TNIP1: variants seen among roughly 807,000 people sequenced by gnomAD.
TNIP1 encodes the protein TNFAIP3 interacting protein 1.
TNIP1 carries 22 observed loss-of-function variants against 86.6 expected under a neutral mutation model. That is an observed-to-expected ratio of 0.25 (90% CI 0.18 to 0.36). The LOEUF (loss-of-function observed/expected upper bound fraction) is 0.36, where lower values mean the gene tolerates loss of function less well. TNIP1 is among the 10% of genes least tolerant of loss of function. The pLI, the probability that TNIP1 is intolerant of heterozygous loss-of-function variation, is 1.00. For synonymous variants in TNIP1, 294 were observed against 313.0 expected (o/e 0.94, Z 0.64); for missense variants, 709 against 820.6 (o/e 0.86, Z 1.66).
chr5:151,039,244 T>G lies in TNIP1; in HGVS notation c.1135-19A>C. On this transcript the variant is annotated intron_variant, in intron 11 of 17. Coordinates refer to ENST00000521591, the MANE Select transcript of TNIP1 (RefSeq NM_006058.5). ...TGTCGGTCTGCAGGGAATACAAGGT[T>G]GGTAAGCTGGCTAGGATGGCCTCTC... 1 of 1,607,312 alleles carries G rather than the reference T, an allele frequency of 6.2e-7. No individual in the cohort carries two copies. The highest frequency in any genetic ancestry group is 8.5e-7 in the Non-Finnish European group (1 of 1,178,458).
rs139658623 is a variant in TNIP1 at position 151,031,433 on chromosome 5, A to G, written c.1877-686T>C. On this transcript the variant is annotated intron_variant, in intron 17 of 17. Transcript: ENST00000521591. ...GCGAGGTGGTGCCTTGTGCCCCATGAGAGCTCTACAGGGAGCAATGGCAGT... is the reference window on the plus strand; with the variant it reads ...GCGAGGTGGTGCCTTGTGCCCCATGGGAGCTCTACAGGGAGCAATGGCAGT... Among the ~76,000 whole-genome samples, 228 of 152,322 alleles carry G rather than the reference A, an allele frequency of 1.5e-3. 2 individuals are homozygous for G. In the East Asian group the frequency reaches 0.025, roughly 16 times the overall value.
intron 1 of TNIP1, among the ~76,000 whole-genome samples, chr5:151,086,856 G>C (rs1399477833): frequency 1.3e-5 from 2 of 152,268 alleles, no homozygotes; most frequent in South Asian, 2.1e-4. Flanking sequence ...GGAACGAGAT[G>C]GGGGAGAGAA....
chr5:151,031,631 A>G (rs1043728631), intron 17 of TNIP1, among the ~76,000 whole-genome samples: 2 of 152,116 alleles, frequency 1.3e-5, no homozygotes, highest in Non-Finnish European at 2.9e-5. Context: ...GCCTCCCACC[A>G]TGCTCCGCAG....
intron 1 of TNIP1, among the ~76,000 whole-genome samples, chr5:151,066,764 A>T (rs1762287569): frequency 6.6e-6 from 1 of 152,158 alleles, no homozygotes; most frequent in African/African-American, 2.4e-5. Context: ...ACCCGGCCGC[A>T]ATAAGAGCCA....
intron 6 of TNIP1, among the ~76,000 whole-genome samples, chr5:151,055,026 G>A (rs890035053): frequency 9.9e-5 from 15 of 152,208 alleles, no homozygotes; most frequent in Non-Finnish European, 1.9e-4. Context: ...CCGGCCAATG[G>A]ATAGAATCAT....
chr5:151,035,777 C>T (rs2287720), intron 13 of TNIP1, 70 bp from the exon 14 acceptor site: 948,453 of 1,587,694 alleles, frequency 0.6, 292,909 homozygotes, highest in Non-Finnish European at 0.65. Context: ...CAGGCCCAGA[C>T]TCCCATGCCT....
chr5:151,033,699 C>A lies in TNIP1; in HGVS notation c.1688G>T (p.Gly563Val). The A allele has an allele frequency of 7.4e-7, 1 of 1,353,548 alleles. No individual in the cohort carries two copies. The allele number at this position is 1,353,548 out of a possible 1,614,324, so 83.8% of individuals were successfully genotyped here. The change falls in exon 16 of 18, where the codon GGC (glycine) becomes GTC (valine). Residue 563 changes from glycine to valine, a missense_variant. Coordinates refer to ENST00000521591, the MANE Select transcript of TNIP1 (RefSeq NM_006058.5). ...PPMPAMVPHH[G>V]FEDWSQIRYP... is the part of the protein sequence containing the mutation. ...GCGGATCTGGGACCAGTCCTCGAAG[C>A]CATGGTGTGGCACCATGGCTGGCAT... is the stretch of plus-strand genomic sequence containing the variant.
chr5:151,046,123 G>C, intron 8 of TNIP1, 173 bp from the exon 9 acceptor site: 2 of 607,564 alleles, frequency 3.3e-6, no homozygotes, highest in Non-Finnish European at 5.9e-6. Flanking sequence ...TCCCCTTCTA[G>C]AAGTCTACAA....
chr5:151,065,364 G>A (rs1056881529), intron 1 of TNIP1, among the ~76,000 whole-genome samples: 2 of 152,178 alleles, frequency 1.3e-5, no homozygotes, highest in Non-Finnish European at 2.9e-5. Flanking sequence ...CTGTTGGCTT[G>A]TTTGGAACAG....
chr5:151,086,561 C>T (rs1041924732), intron 1 of TNIP1, among the ~76,000 whole-genome samples: 1 of 152,144 alleles, frequency 6.6e-6, no homozygotes, highest in South Asian at 2.1e-4. Flanking sequence ...TGTACCCTCT[C>T]CATCAAAAAT....
intron 15 of TNIP1, 76 bp from the exon 16 acceptor site, chr5:151,033,875 G>T: frequency 7.8e-7 from 1 of 1,288,876 alleles, no homozygotes; most frequent in Non-Finnish European, 1.0e-6. Flanking sequence ...CCTCTAAATA[G>T]AATGTTAGCT....
chr5:151,074,917 A>G (rs978655173), intron 1 of TNIP1, among the ~76,000 whole-genome samples: 3 of 152,160 alleles, frequency 2.0e-5, no homozygotes, highest in African/African-American at 7.2e-5. Flanking sequence ...AGCTGGAACT[A>G]CAGGCATGCG....
intron 1 of TNIP1, among the ~76,000 whole-genome samples, chr5:151,067,241 A>C (rs1230887917): frequency 6.6e-6 from 1 of 152,372 alleles, no homozygotes; most frequent in South Asian, 2.1e-4. Flanking sequence ...TGCACTTAGC[A>C]CTGGAACTGG....
intron 12 of TNIP1, among the ~76,000 whole-genome samples, chr5:151,038,232 C>G (rs1384532901): frequency 6.6e-6 from 1 of 152,182 alleles, no homozygotes; most frequent in African/African-American, 2.4e-5. Context: ...TAGGAATGCT[C>G]AACTCATGCC....
chr5:151,045,165 C>T lies in TNIP1; in HGVS notation c.936+696G>A, dbSNP rs1338998645. Among the ~76,000 whole-genome samples, 3 of 152,130 alleles carry T rather than the reference C, an allele frequency of 2.0e-5. No individual in the cohort carries two copies. The East Asian group carries it at 5.8e-4, about 29-fold the overall frequency. The stretch of plus-strand genomic sequence containing the variant: ...GGCACGCGGTGGCACGGTCTCGGAT[C>T]ACTGCAACCTCAGCCTCCCGGGTTC... On this transcript the variant is annotated intron_variant, in intron 9 of 17. Coordinates refer to ENST00000521591, the MANE Select transcript of TNIP1 (RefSeq NM_006058.5).
intron 12 of TNIP1, 79 bp downstream of exon 12, chr5:151,039,018 T>G: frequency 9.7e-6 from 15 of 1,542,708 alleles, no homozygotes; most frequent in Non-Finnish European, 1.2e-5. Context: ...GCTGAATGGT[T>G]GGGGGTGCCA....
intron 9 of TNIP1, among the ~76,000 whole-genome samples, chr5:151,044,502 G>C (rs1758872243): frequency 6.6e-6 from 1 of 152,032 alleles, no homozygotes; most frequent in African/African-American, 2.4e-5. Flanking sequence ...CTAGGAGGTG[G>C]TATTCTTGAT....
At chr5:151,031,650 G>A (rs897521207) in intron 17 of TNIP1, among the ~76,000 whole-genome samples, 10 of 152,198 alleles carry the variant, frequency 6.6e-5, no homozygotes, top group East Asian at 1.9e-4. Context: ...AGGCCTGCAC[G>A]GTCAGGACCC....
intron 6 of TNIP1, among the ~76,000 whole-genome samples, chr5:151,055,982 C>T (rs1219823254): frequency 6.6e-6 from 1 of 152,188 alleles, no homozygotes; most frequent in Non-Finnish European, 1.5e-5. Flanking sequence ...TCATGAACTC[C>T]GAATGGGGAC....
Sources: gnomAD v4.1 joint callset for allele counts (sites outside exome capture counted in the v4.1 genomes callset) on GRCh38, gnomAD v4.1.1 for gene constraint, MANE v1.5 for transcripts, NCBI Gene and HGNC (gene_info 2026-07-23, HGNC 2026-07-21) for gene names.